The following YAP1 variants were observed in gnomAD, a reference collection of about 807,000 sequenced individuals.
YAP1 encodes transcriptional coactivator YAP1.
In YAP1, 5 loss-of-function variants were observed where a neutral mutation model predicts 56.9. That is an observed-to-expected ratio of 0.09 (90% confidence interval 0.05 to 0.18). The LOEUF (loss-of-function observed/expected upper bound fraction) is 0.18, where lower values mean the gene tolerates loss of function less well. YAP1 is among the 10% of genes least tolerant of loss of function. The pLI is 1.00. For missense variants in YAP1, 539 were observed against 651.8 expected (o/e 0.83, Z 1.88); for synonymous variants, 265 against 248.1 (o/e 1.07, Z -0.64).
At chr11:102,134,740 A>G (rs1053104844) in intron 2 of YAP1, among the ~76,000 whole-genome samples, 1 of 151,782 alleles carries the variant, frequency 6.6e-6, no homozygotes, top group African/African-American at 2.4e-5. Context: ...ATAGGGTCTC[A>G]CTCTGTTGCC....
intron 2 of YAP1, among the ~76,000 whole-genome samples, chr11:102,125,357 CTT>C (rs111721125): frequency 0.59 from 83,770 of 142,044 alleles, 25,367 homozygotes; most frequent in South Asian, 0.76. Context: ...ATTTCTCATT[CTT>C]TTTTTTTTCT....
intron 3 of YAP1, among the ~76,000 whole-genome samples, chr11:102,179,436 T>G (rs1947455921): frequency 6.6e-6 from 1 of 152,158 alleles, no homozygotes; most frequent in African/African-American, 2.4e-5. Context: ...CCTTTAAGTA[T>G]TTACTGGTTG....
At chr11:102,188,581 C>T (rs1266147718) in intron 4 of YAP1, among the ~76,000 whole-genome samples, 1 of 152,156 alleles carries the variant, frequency 6.6e-6, no homozygotes, top group Non-Finnish European at 1.5e-5. Flanking sequence ...TGTAACTTTT[C>T]TATGTTTAGA....
At chr11:102,128,955 C>G (rs1197944980) in intron 2 of YAP1, among the ~76,000 whole-genome samples, 5 of 107,880 alleles carry the variant, frequency 4.6e-5, no homozygotes, top group African/African-American at 1.3e-4. Flanking sequence ...TTACCTCCCT[C>G]CCTCCCTCTC....
chr11:102,179,251 G>T (rs991015219), intron 3 of YAP1, among the ~76,000 whole-genome samples: 2 of 152,058 alleles, frequency 1.3e-5, no homozygotes, highest in Non-Finnish European at 2.9e-5. Flanking sequence ...TGGTATTGGT[G>T]GTCAGGCATG....
intron 2 of YAP1, among the ~76,000 whole-genome samples, chr11:102,152,238 CT>C (rs1317805899): frequency 6.6e-6 from 1 of 152,204 alleles, no homozygotes; most frequent in African/African-American, 2.4e-5. Context: ...GTAACCATTT[CT>C]CACCGCTAAT....
intron 2 of YAP1, among the ~76,000 whole-genome samples, chr11:102,139,082 G>A (rs1468655987): frequency 4.0e-5 from 6 of 151,564 alleles, no homozygotes; most frequent in African/African-American, 1.5e-4. Context: ...ATGAAATTGA[G>A]TGATTATAAA....
chr11:102,116,921 T>C (rs1292587535), intron 2 of YAP1, among the ~76,000 whole-genome samples: 1 of 152,160 alleles, frequency 6.6e-6, no homozygotes, highest in East Asian at 1.9e-4. Context: ...CCCTAAACAT[T>C]GGATGTGGGA....
intron 2 of YAP1, among the ~76,000 whole-genome samples, chr11:102,118,750 C>CA (rs11384976): frequency 0.49 from 67,514 of 137,618 alleles, 15,874 homozygotes; most frequent in East Asian, 0.67. Flanking sequence ...GACTCTATCT[C>CA]AAAAAAAAAA....
chr11:102,210,507 G>C (rs746951085), intron 6 of YAP1, among the ~76,000 whole-genome samples: 1 of 152,130 alleles, frequency 6.6e-6, no homozygotes, highest in Non-Finnish European at 1.5e-5. Flanking sequence ...TTTTGTGAGA[G>C]GGAAAATCTC....
At chr11:102,214,352 G>T (rs927085149) in intron 6 of YAP1, among the ~76,000 whole-genome samples, 1 of 152,144 alleles carries the variant, frequency 6.6e-6, no homozygotes, top group Non-Finnish European at 1.5e-5. Flanking sequence ...GAATAATAAA[G>T]CCCACAGTAT....
At position 102,213,815 on chromosome 11, in the gene YAP1, C is replaced by T. The variant is rs148703046; in HGVS notation, c.1032+4251C>T. On this transcript the variant is annotated intron_variant, in intron 6 of 8. Transcript: ENST00000282441. ...TCTTGAGGCAGGGCACAGTGGCTCA[C>T]GCCTGTAATCCCAGCACTTTGAGAG... Among the ~76,000 whole-genome samples the T allele has an allele frequency of 4.7e-3, 722 of 152,328 alleles. 4 individuals carry two copies. The highest frequency in any genetic ancestry group is 0.017 in the African/African-American group (687 of 41,572).
At chr11:102,228,256 G>A (rs1030953307) in intron 8 of YAP1, among the ~76,000 whole-genome samples, 1 of 152,018 alleles carries the variant, frequency 6.6e-6, no homozygotes, top group African/African-American at 2.4e-5. Flanking sequence ...TTTTCTCTAA[G>A]AGTTTTTGGT....
intron 6 of YAP1, 24 bp from the exon 7 acceptor site, chr11:102,223,598 C>T (rs1331080884): frequency 6.2e-7 from 1 of 1,608,898 alleles, no homozygotes. Context: ...TAGATTGATT[C>T]TCTTTGGCTT....
chr11:102,228,425 A>T (rs767262086), intron 8 of YAP1, among the ~76,000 whole-genome samples: 1 of 152,074 alleles, frequency 6.6e-6, no homozygotes, highest in East Asian at 1.9e-4. Flanking sequence ...ACGTGAGGTC[A>T]TAAGTTCAAG....
chr11:102,135,747 G>A (rs1944637141), intron 2 of YAP1, among the ~76,000 whole-genome samples: 1 of 151,830 alleles, frequency 6.6e-6, no homozygotes, highest in Non-Finnish European at 1.5e-5. Flanking sequence ...AAAAATTGGT[G>A]GTCATTTTTA....
chr11:102,120,254 A>G (rs1447646697), intron 2 of YAP1, among the ~76,000 whole-genome samples: 1 of 152,228 alleles, frequency 6.6e-6, no homozygotes, highest in Non-Finnish European at 1.5e-5. Flanking sequence ...AAATGCAAAC[A>G]AAGAAGTTTG....
intron 1 of YAP1, chr11:102,112,783 G>A (rs780126574): frequency 3.0e-5 from 30 of 985,226 alleles, no homozygotes; most frequent in Non-Finnish European, 3.6e-5. Context: ...GTGGGTTTAT[G>A]GACTCATTGT....
chr11:102,227,634 T>C, intron 8 of YAP1, 53 bp downstream of exon 8: 2 of 1,180,770 alleles, frequency 1.7e-6, no homozygotes, highest in East Asian at 4.7e-5. Context: ...GGATATGTTA[T>C]CACCAGGTCT....
Sources: gnomAD v4.1 joint callset for allele counts (sites outside exome capture counted in the v4.1 genomes callset) on GRCh38, gnomAD v4.1.1 for gene constraint, MANE v1.5 for transcripts, NCBI Gene and HGNC (gene_info 2026-07-23, HGNC 2026-07-21) for gene names.